TM9SF2: variants seen among roughly 807,000 people sequenced by gnomAD.
The protein encoded by TM9SF2 is 76 kDa membrane protein.
Under a neutral mutation model 84.9 loss-of-function variants are expected in TM9SF2, and 13 were observed. That is an observed-to-expected ratio of 0.15 (90% CI 0.10 to 0.24). The LOEUF (loss-of-function observed/expected upper bound fraction) is 0.24, where lower values mean the gene tolerates loss of function less well. TM9SF2 is among the 10% of genes least tolerant of loss of function. TM9SF2 has a pLI of 1.00. For synonymous variants in TM9SF2, 273 were observed against 285.8 expected (o/e 0.96, Z 0.45); for missense variants, 562 against 818.5 (o/e 0.69, Z 3.82).
chr13:99,561,124 T>G lies in TM9SF2; in HGVS notation c.1925-1567T>G, dbSNP rs536331537. 2.0e-5 allele frequency among the ~76,000 whole-genome samples: 3 copies of G among 152,370 alleles called. No individual in the cohort carries two copies. The East Asian group carries it at 5.8e-4, about 29-fold the overall frequency. On this transcript the variant is annotated intron_variant, in intron 16 of 16. Transcript: ENST00000376387. ...ACTTTCTTCAATTGTATTTTTCCTT[T>G]AGTGAACAGGTGGAAGCATTCTGGA...
At chr13:99,561,946 T>C (rs541830753) in intron 16 of TM9SF2, among the ~76,000 whole-genome samples, 6 of 152,306 alleles carry the variant, frequency 3.9e-5, no homozygotes, top group South Asian at 2.1e-4. Flanking sequence ...TTCAAATTCT[T>C]TGGAATCTAG....
chr13:99,524,278 G>T (rs975600643), intron 3 of TM9SF2, among the ~76,000 whole-genome samples: 1 of 152,170 alleles, frequency 6.6e-6, no homozygotes, highest in African/African-American at 2.4e-5. Context: ...ATCTAAATAT[G>T]ATCTGACTTG....
chr13:99,537,620 G>A (rs1011757222), intron 5 of TM9SF2, 119 bp from the exon 6 acceptor site: 1 of 795,664 alleles, frequency 1.3e-6, no homozygotes, highest in African/African-American at 1.8e-5. Context: ...TAATGTGAAA[G>A]GCTTAAAATT....
chr13:99,513,444 G>GA (rs1487202780), intron 1 of TM9SF2, among the ~76,000 whole-genome samples: 1 of 152,122 alleles, frequency 6.6e-6, no homozygotes, highest in African/African-American at 2.4e-5. Context: ...CTTCAGAGAG[G>GA]ACATCATAAG....
rs914031260 is a variant in TM9SF2, at chr13:99,540,640, G to C, written c.829-74G>C. On this transcript the variant is annotated intron_variant, in intron 7 of 16. Coordinates refer to ENST00000376387, the MANE Select transcript of TM9SF2 (RefSeq NM_004800.3). ...TTGACTCAATGGAAGGACAAGCTTTGAATGGGATTTTTTTTTGTTCTTAAT... is the reference window on the plus strand; with the variant it reads ...TTGACTCAATGGAAGGACAAGCTTTCAATGGGATTTTTTTTTGTTCTTAAT... 2.4e-6 allele frequency: 3 copies of C among 1,253,418 alleles called. No individual in the cohort carries two copies. The African/African-American group carries it at 4.5e-5, about 19-fold the overall frequency. 77.6% of individuals were successfully genotyped at this position (1,253,418 alleles called of 1,614,324 possible).
At chr13:99,547,475 A>T (rs902733663) in intron 11 of TM9SF2, among the ~76,000 whole-genome samples, 4 of 152,220 alleles carry the variant, frequency 2.6e-5, no homozygotes, top group African/African-American at 9.6e-5. Context: ...TTTTTCACTA[A>T]AACAACTAGT....
At chr13:99,550,629 A>G (rs1053749745) in intron 12 of TM9SF2, among the ~76,000 whole-genome samples, 1 of 152,188 alleles carries the variant, frequency 6.6e-6, no homozygotes, top group Admixed American at 6.5e-5. Flanking sequence ...GGGCAGGGGG[A>G]CTTGGTGTTC....
intron 13 of TM9SF2, among the ~76,000 whole-genome samples, chr13:99,553,696 A>G (rs746487109): frequency 1.3e-4 from 20 of 152,236 alleles, no homozygotes; most frequent in Non-Finnish European, 1.8e-4. Flanking sequence ...CTACATCTGT[A>G]CTGTCTTCCC....
chr13:99,507,458 G>A (rs2390278), intron 1 of TM9SF2, among the ~76,000 whole-genome samples: 133,374 of 152,266 alleles, frequency 0.88, 58,605 homozygotes, highest in Admixed American at 0.92. Flanking sequence ...TGATGTGTCT[G>A]TGTAATTTTT....
intron 16 of TM9SF2, among the ~76,000 whole-genome samples, chr13:99,562,128 G>C (rs1047774170): frequency 2.0e-5 from 3 of 152,122 alleles, no homozygotes; most frequent in African/African-American, 7.2e-5. Context: ...GTTTGTGACA[G>C]AGCTGCTCTG....
chr13:99,552,020 A>T, intron 12 of TM9SF2, 147 bp from the exon 13 acceptor site: 1 of 768,344 alleles, frequency 1.3e-6, no homozygotes, highest in Non-Finnish European at 1.9e-6. Flanking sequence ...TTTCTAGTCA[A>T]GTTTTACATT....
At chr13:99,504,928 A>C (rs1437817519) in intron 1 of TM9SF2, among the ~76,000 whole-genome samples, 1 of 152,052 alleles carries the variant, frequency 6.6e-6, no homozygotes, top group South Asian at 2.1e-4. Flanking sequence ...ATTTTTCTCT[A>C]TTATGAATAG....
intron 9 of TM9SF2, among the ~76,000 whole-genome samples, chr13:99,543,546 GTCA>G (rs2046269852): frequency 6.6e-6 from 1 of 152,206 alleles, no homozygotes; most frequent in Non-Finnish European, 1.5e-5. Context: ...ACTAAAAATC[GTCA>G]TCAAGTCAGA....
In TM9SF2 at chr13:99,501,524, C is replaced by T. The variant is rs2046064906; in HGVS notation, c.-83C>T. 4 of 1,522,104 alleles carry T rather than the reference C, an allele frequency of 2.6e-6. No homozygotes were observed. Among genetic ancestry groups the T allele is most frequent in the Non-Finnish European group, 3.5e-6 (4 of 1,129,518 alleles). 94.3% of individuals were successfully genotyped at this position (1,522,104 alleles called of 1,614,324 possible). On this transcript the variant is annotated 5_prime_UTR_variant, in exon 1 of 17. Coordinates refer to ENST00000376387, the MANE Select transcript of TM9SF2 (RefSeq NM_004800.3). ...GCCGGCTTCCTTTATCTCTGGCGGCCTTGTAGTCGTCTCCGAGACTCCCCA... is the reference window on the plus strand; with the variant it reads ...GCCGGCTTCCTTTATCTCTGGCGGCTTTGTAGTCGTCTCCGAGACTCCCCA...
chr13:99,560,745 G>T (rs191231378), intron 16 of TM9SF2, among the ~76,000 whole-genome samples: 2 of 151,984 alleles, frequency 1.3e-5, no homozygotes, highest in Non-Finnish European at 2.9e-5. Flanking sequence ...GCAGTGGCGC[G>T]ATCTCAGCTC....
chr13:99,546,694 A>C (rs28564136), intron 10 of TM9SF2, among the ~76,000 whole-genome samples: 3,761 of 152,180 alleles, frequency 0.025, 158 homozygotes, highest in African/African-American at 0.086. Flanking sequence ...AGAAGAGTCA[A>C]ATGCACTCTT....
Position 99,552,346 on chromosome 13 carries a change from C to G in TM9SF2, c.1488+20C>G. 6.2e-7 allele frequency: 1 copy of G among 1,602,898 alleles called. No individual in the cohort carries two copies. Among genetic ancestry groups the G allele is most frequent in the Non-Finnish European group, 8.5e-7 (1 of 1,173,508 alleles). ...AAGAATGTAAGTTTATAGGTGTTAA[C>G]TTATTCAGGTGAATTTTAGCTGCAG... On this transcript the variant is annotated intron_variant, in intron 13 of 16. Transcript: ENST00000376387.
At chr13:99,542,708 T>C (rs1188576658) in intron 9 of TM9SF2, among the ~76,000 whole-genome samples, 1 of 152,196 alleles carries the variant, frequency 6.6e-6, no homozygotes, top group Non-Finnish European at 1.5e-5. Context: ...TTTTATTGAT[T>C]TTATGTCTTA....
At chr13:99,553,832 A>G (rs1347554671) in intron 13 of TM9SF2, among the ~76,000 whole-genome samples, 2 of 152,218 alleles carry the variant, frequency 1.3e-5, no homozygotes, top group African/African-American at 4.8e-5. Flanking sequence ...TCATACAGCC[A>G]TTCATTGTTG....
Sources: allele counts gnomAD v4.1 joint callset (sites outside exome capture counted in the v4.1 genomes callset), GRCh38; gene constraint gnomAD v4.1.1; transcripts MANE v1.5; gene names NCBI Gene and HGNC (gene_info 2026-07-23, HGNC 2026-07-21).